Variants in STEAP1B observed in about 807,000 individuals in gnomAD.
STEAP1B encodes the protein STEAP family member 1B.
A neutral mutation model predicts 27.9 loss-of-function variants in STEAP1B; 13 were observed. That is an observed-to-expected ratio of 0.47 (90% CI 0.30 to 0.74). STEAP1B has a LOEUF of 0.74. STEAP1B is among the 30% of genes least tolerant of loss of function. STEAP1B has a pLI of 0.06. For synonymous variants in STEAP1B, 86 were observed against 107.1 expected (o/e 0.80, Z 1.22); for missense variants, 250 against 298.7 (o/e 0.84, Z 1.20).
intron 4 of STEAP1B, among the ~76,000 whole-genome samples, chr7:22,466,408 T>G (rs1316652259): frequency 7.9e-6 from 1 of 126,886 alleles, no homozygotes; most frequent in Non-Finnish European, 1.6e-5. Flanking sequence ...CAGTATCTAC[T>G]GTTTTCTTTG....
intron 4 of STEAP1B, among the ~76,000 whole-genome samples, chr7:22,463,424 A>G (rs1785714398): frequency 6.6e-6 from 1 of 152,182 alleles, no homozygotes; most frequent in African/African-American, 2.4e-5. Flanking sequence ...CAAGCTACCA[A>G]TGACTTGCTT....
chr7:22,432,323 G>C (rs1294992566), intron 4 of STEAP1B, among the ~76,000 whole-genome samples: 1 of 151,804 alleles, frequency 6.6e-6, no homozygotes, highest in Non-Finnish European at 1.5e-5. Context: ...AAGATCATTT[G>C]AGGCCATGAG....
At chr7:22,471,205 T>C (rs928168756) in intron 4 of STEAP1B, among the ~76,000 whole-genome samples, 3 of 152,156 alleles carry the variant, frequency 2.0e-5, no homozygotes, top group African/African-American at 7.2e-5. Flanking sequence ...CTAAGTGTGG[T>C]CAAGGGAAAA....
At chr7:22,451,409 T>C (rs1785487377) in intron 4 of STEAP1B, among the ~76,000 whole-genome samples, 1 of 152,176 alleles carries the variant, frequency 6.6e-6, no homozygotes, top group Non-Finnish European at 1.5e-5. Flanking sequence ...CTTTATCCGA[T>C]TGCTCTAGCT....
At chr7:22,479,616 G>T (rs919692769) in intron 4 of STEAP1B, among the ~76,000 whole-genome samples, 1 of 150,446 alleles carries the variant, frequency 6.6e-6, no homozygotes, top group African/African-American at 2.5e-5. Context: ...GAGGCTCTGA[G>T]GCATCAACCT....
At chr7:22,481,864 C>T (rs1786080373) in intron 4 of STEAP1B, among the ~76,000 whole-genome samples, 1 of 152,206 alleles carries the variant, frequency 6.6e-6, no homozygotes, top group Admixed American at 6.5e-5. Flanking sequence ...GTAACATTAG[C>T]AGCGGTTTCC....
Position 22,500,127 on chromosome 7 carries a change from T to G in STEAP1B, c.-45A>C, listed in dbSNP as rs868131733. 52 of 153,708 alleles carry G rather than the reference T, an allele frequency of 3.4e-4. No individual in the cohort carries two copies. The Middle Eastern group carries it at 4.2e-3, about 12-fold the overall frequency. 9.5% of individuals were successfully genotyped at this position (153,708 alleles called of 1,614,324 possible). On this transcript the variant is annotated 5_prime_UTR_variant, in exon 1 of 5. Transcript: ENST00000678116. ...CAAGGGACTCACCCACTCCTCGCCG[T>G]AGCTTGACCGTGAGTCTCAGCTGCC...
intron 4 of STEAP1B, among the ~76,000 whole-genome samples, chr7:22,465,479 T>C (rs1348993109): frequency 3.3e-5 from 5 of 152,234 alleles, no homozygotes; most frequent in East Asian, 1.9e-4. Flanking sequence ...GATTTGTTCA[T>C]ACTGATATGT....
chr7:22,485,929 A>G (rs1453743416), intron 4 of STEAP1B, among the ~76,000 whole-genome samples: 1 of 152,188 alleles, frequency 6.6e-6, no homozygotes, highest in East Asian at 1.9e-4. Flanking sequence ...TGGGGACTCC[A>G]CTTTAAGAAC....
intron 4 of STEAP1B, among the ~76,000 whole-genome samples, chr7:22,471,999 C>T (rs1165776633): frequency 6.6e-6 from 1 of 150,944 alleles, no homozygotes; most frequent in East Asian, 2.0e-4. Context: ...AATAGGTTAA[C>T]CACCAAAAAA....
chr7:22,468,555 T>C (rs1381487064), intron 4 of STEAP1B, among the ~76,000 whole-genome samples: 1 of 152,056 alleles, frequency 6.6e-6, no homozygotes. Context: ...ATCAAAACAC[T>C]TTTGGAAGTG....
intron 4 of STEAP1B, among the ~76,000 whole-genome samples, chr7:22,450,620 A>G (rs1583637269): frequency 3.8e-5 from 5 of 131,924 alleles, no homozygotes; most frequent in South Asian, 2.4e-4. Flanking sequence ...TTTGCTTAGG[A>G]TGGCTTTGGC....
intron 2 of STEAP1B, 133 bp from the exon 3 acceptor site, chr7:22,493,969 G>C: frequency 8.8e-7 from 1 of 1,134,872 alleles, no homozygotes; most frequent in Non-Finnish European, 1.2e-6. Context: ...TTGAATACTG[G>C]TTAGTTGAAG....
At chr7:22,448,659 A>C (rs1045999196) in intron 4 of STEAP1B, among the ~76,000 whole-genome samples, 3 of 152,258 alleles carry the variant, frequency 2.0e-5, no homozygotes, top group African/African-American at 7.2e-5. Flanking sequence ...GCATAAAATC[A>C]GGAGAGGTAT....
chr7:22,441,139 G>A (rs1217766003), intron 4 of STEAP1B, among the ~76,000 whole-genome samples: 1 of 151,344 alleles, frequency 6.6e-6, no homozygotes, highest in Non-Finnish European at 1.5e-5. Context: ...CACTATGCTG[G>A]AATTAATTTG....
chr7:22,447,309 A>G (rs1785423614), intron 4 of STEAP1B, among the ~76,000 whole-genome samples: 1 of 152,228 alleles, frequency 6.6e-6, no homozygotes, highest in Non-Finnish European at 1.5e-5. Context: ...GTTTGGTGAC[A>G]GAGGCCTGTC....
intron 4 of STEAP1B, among the ~76,000 whole-genome samples, chr7:22,456,215 C>G (rs1785576917): frequency 6.6e-6 from 1 of 152,062 alleles, no homozygotes; most frequent in African/African-American, 2.4e-5. Flanking sequence ...AGTTCAATTA[C>G]TGCAAAGATT....
At chr7:22,496,343 CTAAAGT>C (rs2128419102) in intron 1 of STEAP1B, among the ~76,000 whole-genome samples, 1 of 152,016 alleles carries the variant, frequency 6.6e-6, no homozygotes, top group South Asian at 2.1e-4. Flanking sequence ...TTACAGTAAG[CTAAAGT>C]TAATGTATTA....
intron 4 of STEAP1B, among the ~76,000 whole-genome samples, chr7:22,450,572 CTTAGG>C (rs1785471253): frequency 6.8e-6 from 1 of 147,316 alleles, no homozygotes; most frequent in Admixed American, 6.8e-5. Context: ...CTTTTGGTTA[CTTAGG>C]TAATGTGATT....
Sources: allele counts gnomAD v4.1 joint callset (sites outside exome capture counted in the v4.1 genomes callset), GRCh38; gene constraint gnomAD v4.1.1; transcripts MANE v1.5; gene names NCBI Gene and HGNC (gene_info 2026-07-23, HGNC 2026-07-21).